Variants in LMNA observed in about 807,000 individuals in gnomAD.
LMNA encodes lamin A/C, also known as lamin.
LMNA carries 20 observed loss-of-function variants against 70.4 expected under a neutral mutation model. That is an observed-to-expected ratio of 0.28 (90% CI 0.20 to 0.41). The LOEUF (loss-of-function observed/expected upper bound fraction) is 0.41, where lower values mean the gene tolerates loss of function less well. LMNA is among the 10% of genes least tolerant of loss of function. LMNA has a pLI of 1.00. For missense variants in LMNA, 652 were observed against 917.2 expected, an observed-to-expected ratio of 0.71 and a Z score of 3.73; for synonymous variants, 339 against 372.8, an observed-to-expected ratio of 0.91 and a Z score of 1.04.
At chr1:156,124,135 G>A (rs931438848) in intron 1 of LMNA, among the ~76,000 whole-genome samples, 4 of 152,178 alleles carry the variant, frequency 2.6e-5, no homozygotes, top group Non-Finnish European at 4.4e-5. Flanking sequence ...TGCTGTGGGT[G>A]CACATGCCCG....
At chr1:156,092,332 G>A (rs1187974251) in intron 3 of LMNA, among the ~76,000 whole-genome samples, 14 of 152,138 alleles carry the variant, frequency 9.2e-5, no homozygotes, top group Admixed American at 6.6e-5. Context: ...AGCTGTGATC[G>A]TGCCACTGCA....
rs1650999916 is a variant in LMNA at position 156,130,850 on chromosome 1, C to A, written c.513+77C>A. 15 of 1,402,172 alleles carry A rather than the reference C, an allele frequency of 1.1e-5. No individual in the cohort carries two copies. In the South Asian group the frequency reaches 1.9e-4, roughly 17 times the overall value. The allele number at this position is 1,402,172 out of a possible 1,614,324, so 86.9% of individuals were successfully genotyped here. A position where few individuals can be genotyped will look rare whatever the true frequency, so the allele number is the denominator to read the frequency against. ...TCACTCTTCTACCTAGGCCCTCCCC[C>A]ATGTGGTGCCTGGTCTGACCTGTCA... On this transcript the variant is annotated intron_variant, in intron 2 of 11. Transcript: ENST00000368300.
chr1:156,093,142 G>GC (rs1476240260), intron 3 of LMNA, among the ~76,000 whole-genome samples: 1 of 151,086 alleles, frequency 6.6e-6, no homozygotes, highest in Non-Finnish European at 1.5e-5. Context: ...GCCCACCTTG[G>GC]CCCCCCCAAA....
chr1:156,139,337 C>G lies in LMNA; in HGVS notation c.*231C>G. 3.5e-6 allele frequency: 5 copies of G among 1,410,048 alleles called. No homozygotes were observed. Among genetic ancestry groups the G allele is most frequent in the Non-Finnish European group, 4.6e-6 (5 of 1,088,202 alleles). The allele number at this position is 1,410,048 out of a possible 1,614,324, so 87.3% of individuals were successfully genotyped here. Reference sequence around the variant, plus strand: ...AAAAAAGCATCTATCTCATCTATCTCAATCCTAATTTCTCCTCCCTTCCTT... The same window carrying G: ...AAAAAAGCATCTATCTCATCTATCTGAATCCTAATTTCTCCTCCCTTCCTT... On this transcript the variant is annotated 3_prime_UTR_variant, in exon 12 of 12. Transcript: ENST00000368300.
chr1:156,129,970 C>G, intron 1 of LMNA: 1 of 717,134 alleles, frequency 1.4e-6, no homozygotes, highest in South Asian at 1.5e-5. Flanking sequence ...AGGGACCCCT[C>G]TGTTCAGTGC....
At chr1:156,133,558 G>A (rs1651265197) in intron 2 of LMNA, among the ~76,000 whole-genome samples, 1 of 151,574 alleles carries the variant, frequency 6.6e-6, no homozygotes, top group Non-Finnish European at 1.5e-5. Flanking sequence ...GTGACAGAGC[G>A]AGACTCCATC....
Position 156,137,789 on chromosome 1 carries a change from C to T in LMNA, c.1698+46C>T. 6.5e-7 allele frequency: 1 copy of T among 1,548,248 alleles called. No homozygotes were observed. The highest frequency in any genetic ancestry group is 2.4e-5 in the East Asian group (1 of 41,074). ...AGGCCGAGCCTGCACTGGGGCCACCCAGCCAGGCCTGGGGGCAGCCTCTCC... is the reference window on the plus strand; with the variant it reads ...AGGCCGAGCCTGCACTGGGGCCACCTAGCCAGGCCTGGGGGCAGCCTCTCC... On this transcript the variant is annotated intron_variant, in intron 10 of 11. Coordinates refer to ENST00000368300, the MANE Select transcript of LMNA (RefSeq NM_170707.4). This position sits in a 1 kb window ranked among gnomAD's most constrained non-coding sequence, Gnocchi z 4.6.
At chr1:156,088,112 C>A (rs544248484) in intron 2 of LMNA, among the ~76,000 whole-genome samples, 37 of 152,050 alleles carry the variant, frequency 2.4e-4, no homozygotes, top group Admixed American at 1.8e-3. Flanking sequence ...CCTCGTGATC[C>A]GCCCGCCTCG....
chr1:156,105,094 G>C (rs771289033), intron 3 of LMNA, among the ~76,000 whole-genome samples: 2 of 152,110 alleles, frequency 1.3e-5, no homozygotes, highest in Non-Finnish European at 2.9e-5. Context: ...TGTCACTGAC[G>C]GAGAGCCCCT....
At chr1:156,092,827 C>G (rs1392388101) in intron 3 of LMNA, among the ~76,000 whole-genome samples, 2 of 151,816 alleles carry the variant, frequency 1.3e-5, no homozygotes, top group African/African-American at 4.8e-5. Context: ...GCCCATCCTG[C>G]TCCTCCTTCC....
chr1:156,114,754 C>G lies in LMNA; in HGVS notation c.-165C>G. ...GCACCTACACCAGCCAACCCAGATC[C>G]CGAGGTCCGACAGCGCCCGGCCCAG... is the stretch of plus-strand genomic sequence containing the variant. On this transcript the variant is annotated 5_prime_UTR_variant, in exon 1 of 12. Transcript: ENST00000368300. 1.7e-6 allele frequency: 1 copy of G among 593,662 alleles called. No homozygotes were observed. The highest frequency in any genetic ancestry group is 2.9e-6 in the Non-Finnish European group (1 of 343,438). The allele number at this position is 593,662 out of a possible 1,614,324, so 36.8% of individuals were successfully genotyped here.
At chr1:156,124,608 T>C (rs1042175036) in intron 1 of LMNA, among the ~76,000 whole-genome samples, 1 of 152,164 alleles carries the variant, frequency 6.6e-6, no homozygotes, top group Admixed American at 6.6e-5. Flanking sequence ...CTTTAAGGTC[T>C]CCTTTCCAGA....
Position 156,137,248 on chromosome 1 carries a change from C to T in LMNA, c.1608+16C>T, listed in dbSNP as rs562321948. The T allele has an allele frequency of 1.0e-5, 16 of 1,560,716 alleles. No individual in the cohort carries two copies. Among genetic ancestry groups the T allele is most frequent in the African/African-American group, 9.5e-5 (7 of 73,904 alleles). ...CACTGGGGAAGTAAGTAGGCCTGGG[C>T]CTGGCTGCTTGCTGGACGAGGCTCC... On this transcript the variant is annotated intron_variant, in intron 9 of 11. Transcript: ENST00000368300. The surrounding 1 kb of genome is among the most constrained non-coding windows in gnomAD (Gnocchi z 4.6).
chr1:156,098,803 G>A (rs980140735), intron 3 of LMNA, among the ~76,000 whole-genome samples: 1 of 152,142 alleles, frequency 6.6e-6, no homozygotes, highest in African/African-American at 2.4e-5. Flanking sequence ...CAAAGGTAAG[G>A]GGTAAGCCAT....
intron 3 of LMNA, chr1:156,106,534 T>A (rs1304199028): frequency 6.6e-6 from 1 of 152,122 alleles, no homozygotes; most frequent in African/African-American, 2.4e-5. Context: ...GGGTGTGGAG[T>A]GGGGAGAACA....
chr1:156,133,163 G>A (rs1320551536), intron 2 of LMNA, among the ~76,000 whole-genome samples: 1 of 151,458 alleles, frequency 6.6e-6, no homozygotes, highest in African/African-American at 2.4e-5. Context: ...CTATGTTGTT[G>A]AGGCTGGTCT....
In LMNA at chr1:156,132,607, C is replaced by G. The variant is rs373575431; in HGVS notation, c.514-1796C>G. ...TAGAGTCAGTGGCCAAGCTTCCATC[C>G]TGGGTTCTTTCCCTTCCCAGGCCCT... On this transcript the variant is annotated intron_variant, in intron 2 of 11. Transcript: ENST00000368300. 4.6e-5 allele frequency among the ~76,000 whole-genome samples: 7 copies of G among 152,276 alleles called. No homozygotes were observed. The East Asian group carries it at 1.3e-3, about 29-fold the overall frequency.
chr1:156,126,356 G>A, intron 1 of LMNA: 2 of 776,592 alleles, frequency 2.6e-6, no homozygotes, highest in Non-Finnish European at 4.0e-6. Flanking sequence ...TTCTCCCCCA[G>A]ATTGGGAGAG....
chr1:156,132,837 CTTT>C (rs34451254), intron 2 of LMNA, among the ~76,000 whole-genome samples: 8 of 93,066 alleles, frequency 8.6e-5, no homozygotes, highest in Non-Finnish European at 6.3e-5. Flanking sequence ...CTCTCTCTCT[CTTT>C]TTTTTTTTTT....
Sources: gnomAD v4.1 joint callset for allele counts (sites outside exome capture counted in the v4.1 genomes callset) on GRCh38, gnomAD v4.1.1 for gene constraint, Gnocchi (gnomAD v3.1) non-coding constraint, MANE v1.5 for transcripts, NCBI Gene and HGNC (gene_info 2026-07-23, HGNC 2026-07-21) for gene names.